BCAS1: variants seen among roughly 807,000 people sequenced by gnomAD.
The protein encoded by BCAS1 is brain enriched myelin associated protein 1.
A neutral mutation model predicts 65.4 loss-of-function variants in BCAS1; 46 were observed. That is an observed-to-expected ratio of 0.70 (90% CI 0.55 to 0.90). The LOEUF (loss-of-function observed/expected upper bound fraction) is 0.90. Ranked by LOEUF, BCAS1 falls within the 40% of genes least tolerant of loss-of-function variation. BCAS1 has a pLI of 0.00. For missense variants in BCAS1, 793 were observed against 771.2 expected (o/e 1.03, Z -0.33); for synonymous variants, 298 against 293.5 (o/e 1.02, Z -0.16).
At chr20:54,018,491 C>T (rs2091488338) in intron 4 of BCAS1, among the ~76,000 whole-genome samples, 1 of 151,862 alleles carries the variant, frequency 6.6e-6, no homozygotes, top group African/African-American at 2.4e-5. Context: ...CGCCCGCCAC[C>T]ACGCCTGGCT....
intron 6 of BCAS1, among the ~76,000 whole-genome samples, chr20:53,992,910 A>G (rs2090800851): frequency 6.6e-6 from 1 of 151,900 alleles, no homozygotes; most frequent in Non-Finnish European, 1.5e-5. Flanking sequence ...ACAAAACAAA[A>G]CTCTGTATCT....
At chr20:53,992,901 C>T (rs187983064) in intron 6 of BCAS1, among the ~76,000 whole-genome samples, 6 of 152,082 alleles carry the variant, frequency 3.9e-5, no homozygotes, top group Non-Finnish European at 7.4e-5. Context: ...CAAGACAGAA[C>T]AAAACAAAAC....
intron 12 of BCAS1, among the ~76,000 whole-genome samples, chr20:53,946,342 T>A (rs138923562): frequency 2.0e-4 from 31 of 152,084 alleles, no homozygotes; most frequent in African/African-American, 7.0e-4. Flanking sequence ...GGATGTCATA[T>A]CATGGGATCC....
intron 3 of BCAS1, among the ~76,000 whole-genome samples, chr20:54,053,736 C>T (rs1486233937): frequency 6.6e-6 from 1 of 152,214 alleles, no homozygotes; most frequent in African/African-American, 2.4e-5. Context: ...TTATAATTCC[C>T]ATTTTACAGA....
chr20:53,977,433 A>G (rs2090363178), intron 8 of BCAS1, among the ~76,000 whole-genome samples: 1 of 152,182 alleles, frequency 6.6e-6, no homozygotes, highest in Non-Finnish European at 1.5e-5. Flanking sequence ...GAATCATTAT[A>G]CTGTTTATAT....
chr20:54,067,388 T>C (rs573412826), intron 1 of BCAS1, among the ~76,000 whole-genome samples: 10 of 152,208 alleles, frequency 6.6e-5, no homozygotes, highest in African/African-American at 2.4e-4. Flanking sequence ...AGTAAATAAA[T>C]AAATCAAATA....
intron 3 of BCAS1, among the ~76,000 whole-genome samples, chr20:54,053,595 ATTGACATTAAATCCAAGACAGAATAAC>A (rs1409637310): frequency 6.6e-6 from 1 of 152,266 alleles, no homozygotes; most frequent in Admixed American, 6.5e-5. Context: ...CTTTATGTCA[ATTGACATTAAATCCAAGACAGAATAAC>A]TTTCCTTATG....
At chr20:54,035,357 C>T (rs536257894) in intron 3 of BCAS1, among the ~76,000 whole-genome samples, 8 of 134,230 alleles carry the variant, frequency 6.0e-5, no homozygotes, top group Non-Finnish European at 9.3e-5. Flanking sequence ...GCCGAGACCA[C>T]ATCACTGCAC....
At chr20:54,015,661 AAAAG>A (rs572507184) in intron 4 of BCAS1, among the ~76,000 whole-genome samples, 177 of 152,360 alleles carry the variant, frequency 1.2e-3, no homozygotes, top group African/African-American at 4.1e-3. Context: ...AGTATATTTA[AAAAG>A]TTGTTATTCT....
chr20:54,000,098 A>G (rs1327926547), intron 4 of BCAS1, among the ~76,000 whole-genome samples: 1 of 152,280 alleles, frequency 6.6e-6, no homozygotes, highest in East Asian at 1.9e-4. Flanking sequence ...ATATCCCGGC[A>G]TATCTGATGC....
intron 4 of BCAS1, among the ~76,000 whole-genome samples, chr20:54,000,102 C>T (rs1395889090): frequency 6.6e-6 from 1 of 152,210 alleles, no homozygotes; most frequent in Non-Finnish European, 1.5e-5. Flanking sequence ...CCCGGCATAT[C>T]TGATGCTGCT....
At chr20:53,986,986 T>C (rs570592955) in intron 7 of BCAS1, among the ~76,000 whole-genome samples, 1 of 152,322 alleles carries the variant, frequency 6.6e-6, no homozygotes, top group South Asian at 2.1e-4. Flanking sequence ...TGCATGAATT[T>C]TCATGGATGG....
At chr20:53,957,390 C>T (rs759563761) in intron 11 of BCAS1, 42 bp downstream of exon 11, 15 of 1,533,694 alleles carry the variant, frequency 9.8e-6, no homozygotes, top group Non-Finnish European at 1.4e-5. Context: ...AGTGAGAATA[C>T]ACCACTAATC....
intron 12 of BCAS1, among the ~76,000 whole-genome samples, chr20:53,948,111 G>A (rs902196499): frequency 3.3e-5 from 5 of 152,204 alleles, no homozygotes; most frequent in Admixed American, 1.3e-4. Context: ...GGCCACGGGT[G>A]GCAGCCATCC....
At chr20:54,049,139 A>G (rs1215659560) in intron 3 of BCAS1, among the ~76,000 whole-genome samples, 2 of 152,134 alleles carry the variant, frequency 1.3e-5, no homozygotes, top group Non-Finnish European at 2.9e-5. Flanking sequence ...CTTCTCACTC[A>G]TTATGTTATT....
In BCAS1 at chr20:54,036,993, C is replaced by T. The variant is rs376998813; in HGVS notation, c.143-8021G>A. Reference sequence around the variant, plus strand: ...TCAGAGTTCTAATTATATATTTAAACATACATGCACACACACACGTTTGTA... The same window carrying T: ...TCAGAGTTCTAATTATATATTTAAATATACATGCACACACACACGTTTGTA... On this transcript the variant is annotated intron_variant, in intron 3 of 12. Coordinates refer to ENST00000688948, the MANE Select transcript of BCAS1 (RefSeq NM_001366298.2). Among the ~76,000 whole-genome samples the T allele has an allele frequency of 1.3e-4, 20 of 151,336 alleles. No individual in the cohort carries two copies. In the East Asian group the frequency reaches 3.5e-3, roughly 26 times the overall value.
At chr20:54,011,447 TC>T (rs140113788) in intron 4 of BCAS1, among the ~76,000 whole-genome samples, 1,953 of 151,994 alleles carry the variant, frequency 0.013, 41 homozygotes, top group African/African-American at 0.045. Flanking sequence ...AGGGGGCATT[TC>T]ATTGCAGAGG....
intron 4 of BCAS1, among the ~76,000 whole-genome samples, chr20:54,015,120 C>T (rs1451058542): frequency 6.6e-6 from 1 of 151,824 alleles, no homozygotes; most frequent in East Asian, 1.9e-4. Context: ...GCAACCTCCG[C>T]CTCCCAGGTT....
At chr20:54,052,965 C>A (rs533587486) in intron 3 of BCAS1, among the ~76,000 whole-genome samples, 1 of 152,262 alleles carries the variant, frequency 6.6e-6, no homozygotes, top group East Asian at 1.9e-4. Context: ...TCAAATAAAA[C>A]AACTATTTGA....
Sources: allele counts gnomAD v4.1 joint callset (sites outside exome capture counted in the v4.1 genomes callset), GRCh38; gene constraint gnomAD v4.1.1; transcripts MANE v1.5; gene names NCBI Gene and HGNC (gene_info 2026-07-23, HGNC 2026-07-21).